EDIL3: variants seen among roughly 807,000 people sequenced by gnomAD.
EDIL3 encodes the protein EGF-like repeat and discoidin I-like domain-containing protein 3.
EDIL3 carries 37 observed loss-of-function variants against 67.4 expected under a neutral mutation model. The observed-to-expected ratio is 0.55, with a 90% CI of 0.42 to 0.72. The LOEUF (loss-of-function observed/expected upper bound fraction) is 0.72. Ranked by LOEUF, EDIL3 falls within the 30% of genes least tolerant of loss-of-function variation. The pLI, the probability that EDIL3 is intolerant of heterozygous loss-of-function variation, is 0.00. For missense variants in EDIL3, 527 were observed against 586.3 expected (o/e 0.90, Z 1.04); for synonymous variants, 195 against 196.3 (o/e 0.99, Z 0.05).
At chr5:84,045,217 C>T (rs1421558889) in intron 9 of EDIL3, among the ~76,000 whole-genome samples, 1 of 152,090 alleles carries the variant, frequency 6.6e-6, no homozygotes, top group Non-Finnish European at 1.5e-5. Context: ...AGGTCCCTCC[C>T]ACAATGCATA....
intron 1 of EDIL3, among the ~76,000 whole-genome samples, chr5:84,259,660 G>A (rs997943223): frequency 1.3e-5 from 2 of 152,034 alleles, no homozygotes; most frequent in Non-Finnish European, 2.9e-5. Flanking sequence ...AGTTCTGATC[G>A]GACTGCATGA....
intron 2 of EDIL3, among the ~76,000 whole-genome samples, chr5:84,248,675 T>C (rs1744961210): frequency 6.6e-6 from 1 of 152,198 alleles, no homozygotes; most frequent in African/African-American, 2.4e-5. Context: ...CTCCCAATCC[T>C]GTGTATTGTC....
chr5:83,953,655 T>G (rs969299341), intron 10 of EDIL3, among the ~76,000 whole-genome samples: 1 of 151,854 alleles, frequency 6.6e-6, no homozygotes, highest in Admixed American at 6.6e-5. Flanking sequence ...TTCAGTTTTC[T>G]GAGTTTGGTC....
chr5:84,331,967 T>C (rs1746881980), intron 1 of EDIL3, among the ~76,000 whole-genome samples: 1 of 152,160 alleles, frequency 6.6e-6, no homozygotes, highest in Non-Finnish European at 1.5e-5. Flanking sequence ...GCAGGATACA[T>C]TCATCCCGTT....
At chr5:84,143,208 T>G (rs1322280236) in intron 4 of EDIL3, among the ~76,000 whole-genome samples, 1 of 152,106 alleles carries the variant, frequency 6.6e-6, no homozygotes. Flanking sequence ...AGATAATTTA[T>G]TTCCCAGTCA....
chr5:84,250,196 T>C (rs1744995649), intron 2 of EDIL3, among the ~76,000 whole-genome samples: 3 of 152,220 alleles, frequency 2.0e-5, no homozygotes, highest in South Asian at 2.1e-4. Flanking sequence ...TTTTCTTTGC[T>C]TTGTTTGAAG....
chr5:84,057,059 A>G (rs919268222), intron 9 of EDIL3, among the ~76,000 whole-genome samples: 4 of 152,116 alleles, frequency 2.6e-5, no homozygotes, highest in African/African-American at 9.7e-5. Context: ...GTCACAAAAT[A>G]AATAAATAAA....
chr5:84,190,169 C>T lies in EDIL3; in HGVS notation c.227-9648G>A, dbSNP rs114056002. ...TTCCTGATGGCCTTCAGAATAACAA[C>T]GATTTCCATGCAAAATTTCTTGTAA... On this transcript the variant is annotated intron_variant, in intron 3 of 10. Coordinates refer to ENST00000296591, the MANE Select transcript of EDIL3 (RefSeq NM_005711.5). 4.5e-3 allele frequency among the ~76,000 whole-genome samples: 685 copies of T among 151,954 alleles called. 6 individuals are homozygous for T. Among genetic ancestry groups the T allele is most frequent in the African/African-American group, 0.016 (655 of 41,454 alleles).
At chr5:84,227,650 C>T (rs1409884705) in intron 3 of EDIL3, among the ~76,000 whole-genome samples, 2 of 152,104 alleles carry the variant, frequency 1.3e-5, no homozygotes, top group African/African-American at 4.8e-5. Context: ...CTGCACTATT[C>T]ACAATAGCAA....
chr5:83,972,388 GAC>G (rs543200094), intron 9 of EDIL3, among the ~76,000 whole-genome samples: 66 of 152,104 alleles, frequency 4.3e-4, no homozygotes, highest in Middle Eastern at 3.4e-3. Flanking sequence ...ACACTGTAGT[GAC>G]AGGAAGACAC....
intron 5 of EDIL3, among the ~76,000 whole-genome samples, chr5:84,130,578 C>T (rs1306722715): frequency 2.0e-5 from 3 of 152,140 alleles, no homozygotes; most frequent in Middle Eastern, 6.8e-3. Flanking sequence ...CAGAATTTCT[C>T]TATGTTTTCC....
At chr5:84,345,783 G>C (rs1200979610) in intron 1 of EDIL3, among the ~76,000 whole-genome samples, 1 of 152,084 alleles carries the variant, frequency 6.6e-6, no homozygotes, top group Non-Finnish European at 1.5e-5. Flanking sequence ...TTTCAAAAAA[G>C]AAAACGTAGT....
chr5:84,231,832 C>T (rs1202701041), intron 2 of EDIL3, among the ~76,000 whole-genome samples: 2 of 152,114 alleles, frequency 1.3e-5, no homozygotes, highest in Non-Finnish European at 2.9e-5. Context: ...CAGGGGCTTG[C>T]AGAAGTGCTG....
chr5:84,341,286 T>A (rs1747110766), intron 1 of EDIL3, among the ~76,000 whole-genome samples: 1 of 152,080 alleles, frequency 6.6e-6, no homozygotes, highest in Non-Finnish European at 1.5e-5. Context: ...AAACACTGAA[T>A]GAGCTCCTAC....
At position 84,283,120 on chromosome 5, in the gene EDIL3, T is replaced by G. The variant is rs538515601; in HGVS notation, c.68-28908A>C. Among the ~76,000 whole-genome samples, 11 of 152,172 alleles carry G rather than the reference T, an allele frequency of 7.2e-5. No homozygotes were observed. The East Asian group carries it at 2.1e-3, about 29-fold the overall frequency. On this transcript the variant is annotated intron_variant, in intron 1 of 10. Transcript: ENST00000296591. ...TGGGCTGATGTGTTCAGTATTCATA[T>G]ATAGGAGCAGATATAGAGCATAAGA...
chr5:84,160,020 T>C (rs1748574879), intron 4 of EDIL3, among the ~76,000 whole-genome samples: 1 of 152,128 alleles, frequency 6.6e-6, no homozygotes, highest in Non-Finnish European at 1.5e-5. Flanking sequence ...TCTCTGCAGA[T>C]TTCTTTTCAG....
chr5:84,080,424 A>G (rs1318958757), intron 6 of EDIL3, among the ~76,000 whole-genome samples: 1 of 152,056 alleles, frequency 6.6e-6, no homozygotes, highest in African/African-American at 2.4e-5. Context: ...GCTGTGAAAC[A>G]TAATTGCTGC....
chr5:84,325,158 A>T (rs1177811967), intron 1 of EDIL3, among the ~76,000 whole-genome samples: 2 of 151,972 alleles, frequency 1.3e-5, no homozygotes, highest in East Asian at 3.8e-4. Context: ...TTTTAATTGT[A>T]CATCAAAAGA....
At chr5:84,234,053 A>C (rs1299278040) in intron 2 of EDIL3, among the ~76,000 whole-genome samples, 1 of 152,188 alleles carries the variant, frequency 6.6e-6, no homozygotes, top group Non-Finnish European at 1.5e-5. Flanking sequence ...ATTTACATCT[A>C]AATGGCAATC....
Sources: gnomAD v4.1 joint callset for allele counts (sites outside exome capture counted in the v4.1 genomes callset) on GRCh38, gnomAD v4.1.1 for gene constraint, MANE v1.5 for transcripts, NCBI Gene and HGNC (gene_info 2026-07-23, HGNC 2026-07-21) for gene names.